Variants in PCSK2 observed in about 807,000 individuals in gnomAD.
The protein encoded by PCSK2 is proprotein convertase subtilisin/kexin type 2.
A neutral mutation model predicts 69.7 loss-of-function variants in PCSK2; 14 were observed. The observed-to-expected ratio is 0.20, with a 90% CI of 0.13 to 0.31. The LOEUF is 0.31. Among genes scored for constraint, PCSK2 ranks in the 10% least tolerant of loss-of-function variants. The pLI is 1.00. For missense variants in PCSK2, 544 were observed against 842.5 expected (o/e 0.65, Z 4.39); for synonymous variants, 307 against 320.7 (o/e 0.96, Z 0.46).
rs1179531145 is a variant in PCSK2, at chr20:17,363,949, GA to G, written c.505+3312del. On this transcript the variant is annotated intron_variant, in intron 4 of 11. Coordinates refer to ENST00000262545, the MANE Select transcript of PCSK2 (RefSeq NM_002594.5). Reference sequence around the variant, plus strand: ...ATTCTAACCACCATTCTTGGTACTTGAAACCTAATCCTTTGCTCTGCCTTCC... The same window carrying G: ...ATTCTAACCACCATTCTTGGTACTTGAACCTAATCCTTTGCTCTGCCTTCC... Among the ~76,000 whole-genome samples the G allele has an allele frequency of 1.6e-4, 24 of 152,256 alleles. No individual in the cohort carries two copies. The East Asian group carries it at 3.7e-3, about 23-fold the overall frequency.
At chr20:17,289,230 T>A (rs1988616101) in intron 2 of PCSK2, among the ~76,000 whole-genome samples, 1 of 152,134 alleles carries the variant, frequency 6.6e-6, no homozygotes, top group South Asian at 2.1e-4. Flanking sequence ...AAGAGCAAAA[T>A]GAGAATTGGA....
intron 5 of PCSK2, among the ~76,000 whole-genome samples, chr20:17,383,677 C>A (rs1009526019): frequency 1.3e-5 from 2 of 151,602 alleles, no homozygotes; most frequent in African/African-American, 4.9e-5. Context: ...AGGAAAAAAA[C>A]CAACATGAGC....
At chr20:17,443,803 C>T (rs981079092) in intron 8 of PCSK2, among the ~76,000 whole-genome samples, 2 of 152,164 alleles carry the variant, frequency 1.3e-5, no homozygotes, top group Non-Finnish European at 2.9e-5. Context: ...GATTGTCCTG[C>T]AAAGCATGCC....
At chr20:17,308,494 G>T (rs188033421) in intron 2 of PCSK2, among the ~76,000 whole-genome samples, 1 of 152,178 alleles carries the variant, frequency 6.6e-6, no homozygotes, top group Non-Finnish European at 1.5e-5. Context: ...CAAAGGTCCC[G>T]AGGACAGAAC....
chr20:17,236,663 A>G lies in PCSK2; in HGVS notation c.177+9181A>G, dbSNP rs73253476. ...TAATGTTACCACAAGTCCTTTTATC[A>G]GAACTTCAATTACAAATTCATTTTT... On this transcript the variant is annotated intron_variant, in intron 1 of 11. Coordinates refer to ENST00000262545, the MANE Select transcript of PCSK2 (RefSeq NM_002594.5). Among the ~76,000 whole-genome samples the G allele has an allele frequency of 3.2e-3, 486 of 152,298 alleles. 4 individuals carry two copies. Among genetic ancestry groups the G allele is most frequent in the African/African-American group, 0.011 (450 of 41,568 alleles).
Position 17,227,448 on chromosome 20 carries a change from A to G in PCSK2, c.143A>G (p.Gln48Arg). 1.9e-6 allele frequency: 3 copies of G among 1,614,042 alleles called. No individual in the cohort carries two copies. Among genetic ancestry groups the G allele is most frequent in the East Asian group, 2.2e-5 (1 of 44,842 alleles). ...AAAGGGGGAGAGGACAAAGCTCGCC[A>G]AGTTGCAGCAGAACACGGCTTTGGA... ...LHKGGEDKAR[Q>R]VAAEHGFGVR... is the part of the protein sequence containing the mutation. The change falls in exon 1 of 12, where the codon CAA becomes CGA. Residue 48 changes from glutamine to arginine, a missense_variant. Gln to Arg is a conservative substitution (Grantham distance 43). This residue lies in a region of PCSK2 where 157 missense variants were observed against 155.0 expected (regional missense o/e 1.01). Coordinates refer to ENST00000262545, the MANE Select transcript of PCSK2 (RefSeq NM_002594.5).
At chr20:17,375,827 C>A (rs989796349) in intron 5 of PCSK2, among the ~76,000 whole-genome samples, 5 of 152,176 alleles carry the variant, frequency 3.3e-5, no homozygotes, top group Non-Finnish European at 5.9e-5. Context: ...GCAGCAAATA[C>A]AGAAGTTTGC....
At chr20:17,391,052 C>T (rs1000760953) in intron 5 of PCSK2, among the ~76,000 whole-genome samples, 5 of 152,156 alleles carry the variant, frequency 3.3e-5, no homozygotes, top group South Asian at 2.1e-4. Flanking sequence ...AACTACGAGA[C>T]GAATGTGTTT....
intron 5 of PCSK2, among the ~76,000 whole-genome samples, chr20:17,388,208 C>A (rs1434812381): frequency 6.6e-6 from 1 of 152,056 alleles, no homozygotes. Context: ...ACTGTATAAA[C>A]TTTCTGAGCC....
intron 5 of PCSK2, among the ~76,000 whole-genome samples, chr20:17,402,467 A>AC (rs1221960878): frequency 6.7e-6 from 1 of 149,810 alleles, no homozygotes; most frequent in African/African-American, 2.5e-5. Context: ...GGAGTTCGAG[A>AC]CCAGCCTGGC....
intron 2 of PCSK2, among the ~76,000 whole-genome samples, chr20:17,263,390 T>C (rs988078453): frequency 1.3e-5 from 2 of 152,230 alleles, no homozygotes; most frequent in Non-Finnish European, 2.9e-5. Context: ...TTCTTCCTGC[T>C]AAAAGATTAG....
chr20:17,366,521 A>T (rs1334942755), intron 4 of PCSK2, among the ~76,000 whole-genome samples: 1 of 152,256 alleles, frequency 6.6e-6, no homozygotes, highest in African/African-American at 2.4e-5. Flanking sequence ...AAAAGCATGA[A>T]GTATAAGAAT....
rs2030802893 is a variant in PCSK2, at chr20:17,372,603, A to G, written c.543+3326A>G. Among the ~76,000 whole-genome samples the G allele has an allele frequency of 2.0e-5, 3 of 152,188 alleles. No individual in the cohort carries two copies. The South Asian group carries it at 6.2e-4, about 31-fold the overall frequency. Reference sequence around the variant, plus strand: ...ACAGAAAATGTGATTTCTGTGCAAAACTGCGCATCTTGATAACTTTCATTC... The same window carrying G: ...ACAGAAAATGTGATTTCTGTGCAAAGCTGCGCATCTTGATAACTTTCATTC... On this transcript the variant is annotated intron_variant, in intron 5 of 11. Transcript: ENST00000262545.
At chr20:17,315,412 T>C (rs1399924981) in intron 2 of PCSK2, among the ~76,000 whole-genome samples, 1 of 152,216 alleles carries the variant, frequency 6.6e-6, no homozygotes, top group Non-Finnish European at 1.5e-5. Context: ...CTGGATGCTT[T>C]TCTGCGCTAT....
chr20:17,457,565 T>G (rs901144875), intron 10 of PCSK2, among the ~76,000 whole-genome samples: 22 of 152,182 alleles, frequency 1.4e-4, no homozygotes, highest in Admixed American at 1.4e-3. Context: ...GATAGAAAAT[T>G]TATGATGCCA....
chr20:17,370,655 C>T (rs1377837708), intron 5 of PCSK2, among the ~76,000 whole-genome samples: 1 of 152,216 alleles, frequency 6.6e-6, no homozygotes, highest in Admixed American at 6.5e-5. Context: ...CCTGTCTCCT[C>T]ATGGTGCCTT....
intron 2 of PCSK2, among the ~76,000 whole-genome samples, chr20:17,305,802 T>C (rs1989307462): frequency 6.6e-6 from 1 of 152,180 alleles, no homozygotes; most frequent in African/African-American, 2.4e-5. Flanking sequence ...AATAAATAAA[T>C]GAACAAAAAA....
chr20:17,437,945 G>A (rs886317237), intron 8 of PCSK2, among the ~76,000 whole-genome samples: 2 of 152,024 alleles, frequency 1.3e-5, no homozygotes, highest in African/African-American at 2.4e-5. Context: ...CTAGGCTTAC[G>A]CAGTCTTCTC....
At chr20:17,243,106 C>T (rs1281788500) in intron 1 of PCSK2, among the ~76,000 whole-genome samples, 6 of 152,102 alleles carry the variant, frequency 3.9e-5, no homozygotes, top group Admixed American at 2.6e-4. Context: ...CAGCCATGCC[C>T]GTCCTGAAAA....
Sources: gnomAD v4.1 joint callset for allele counts (sites outside exome capture counted in the v4.1 genomes callset) on GRCh38, gnomAD v4.1.1 for gene constraint, gnomAD v4.1.1 regional missense constraint, MANE v1.5 for transcripts, NCBI Gene and HGNC (gene_info 2026-07-23, HGNC 2026-07-21) for gene names.